The following MAST2 variants were observed in gnomAD, a reference collection of about 807,000 sequenced individuals.
MAST2 encodes microtubule-associated serine/threonine-protein kinase 2.
In MAST2, 70 loss-of-function variants were observed where a neutral mutation model predicts 147.4. That is an observed-to-expected ratio of 0.47 (90% confidence interval 0.39 to 0.58). MAST2 has a LOEUF of 0.58. Ranked by LOEUF, MAST2 falls within the 20% of genes least tolerant of loss-of-function variation. The pLI, the probability that MAST2 is intolerant of heterozygous loss-of-function variation, is 0.00. For missense variants in MAST2, 2,080 were observed against 2,302.3 expected (o/e 0.90, Z 1.98); for synonymous variants, 869 against 896.8 (o/e 0.97, Z 0.55).
At chr1:45,993,168 A>T (rs1644915733) in intron 5 of MAST2, among the ~76,000 whole-genome samples, 1 of 152,032 alleles carries the variant, frequency 6.6e-6, no homozygotes. Context: ...CTTTTTAAAG[A>T]GATTTAAATA....
intron 4 of MAST2, among the ~76,000 whole-genome samples, chr1:45,959,054 AGTG>A (rs1232460291): frequency 6.6e-6 from 1 of 152,182 alleles, no homozygotes; most frequent in Non-Finnish European, 1.5e-5. Flanking sequence ...ATCAATTTGC[AGTG>A]GTCATTCTTC....
chr1:45,922,736 G>A (rs574787545), intron 4 of MAST2, among the ~76,000 whole-genome samples: 6 of 152,198 alleles, frequency 3.9e-5, no homozygotes, highest in East Asian at 3.9e-4. Context: ...CACCTGGGGG[G>A]CTCCCACCCC....
intron 3 of MAST2, among the ~76,000 whole-genome samples, chr1:45,869,904 G>T (rs1646310853): frequency 1.5e-5 from 2 of 133,048 alleles, no homozygotes; most frequent in South Asian, 5.0e-4. Flanking sequence ...CTCTGTTCCT[G>T]TGATTCTTTT....
intron 3 of MAST2, among the ~76,000 whole-genome samples, chr1:45,864,098 G>A (rs1646067275): frequency 1.3e-5 from 2 of 152,166 alleles, no homozygotes; most frequent in South Asian, 4.1e-4. Flanking sequence ...TGTATTTTGA[G>A]CCATGAATTA....
intron 5 of MAST2, among the ~76,000 whole-genome samples, chr1:45,965,954 A>AT (rs1326666950): frequency 2.6e-5 from 4 of 152,166 alleles, no homozygotes; most frequent in African/African-American, 9.7e-5. Context: ...TCTGGGCAAC[A>AT]TTATCATTTA....
In MAST2 at chr1:46,025,771, C is replaced by T. The variant is rs375405602; in HGVS notation, c.1875C>T (p.Tyr625=). The T allele has an allele frequency of 5.0e-6, 8 of 1,614,098 alleles. No homozygotes were observed. The highest frequency in any genetic ancestry group is 3.3e-5 in the Admixed American group (2 of 60,010). Residue 625 remains tyrosine (Y), a synonymous_variant, in exon 16 of 29, where the codon TAC becomes TAT. Coordinates refer to ENST00000361297, the MANE Select transcript of MAST2 (RefSeq NM_015112.3). ...YFAETVLALE[Y]LHNYGIVHRD... The stretch of plus-strand genomic sequence containing the variant: ...CGGAAACTGTGCTGGCCCTGGAGTA[C>T]TTACACAACTATGGCATCGTGCACC...
At chr1:45,932,114 G>A (rs1023492900) in intron 4 of MAST2, among the ~76,000 whole-genome samples, 3 of 152,172 alleles carry the variant, frequency 2.0e-5, no homozygotes, top group Non-Finnish European at 4.4e-5. Flanking sequence ...TTTTGCTGCT[G>A]TGAAGTTACT....
Position 46,023,776 on chromosome 1 carries a change from G to A in MAST2, c.1576G>A (p.Val526Ile). The change falls in exon 15 of 29, where the codon GTA becomes ATA. Residue 526 changes from valine to isoleucine, a missense_variant. Around this residue, in one of 4 missense-constraint regions of MAST2, gnomAD observed 569 missense variants for 642.5 expected, o/e 0.89. Coordinates refer to ENST00000361297, the MANE Select transcript of MAST2 (RefSeq NM_015112.3). The surrounding 1 kb of genome is among the most constrained non-coding windows in gnomAD (Gnocchi z 4.9). ...GGGCCGGACTTTGTTTCCCAGGGCT[G>A]TATTTCTGGTGCGGCACAAGTCCAC... is the stretch of plus-strand genomic sequence containing the variant. Reference protein sequence around the residue: ...KLISNGAYGAVFLVRHKSTRQ... With the variant: ...KLISNGAYGAIFLVRHKSTRQ... 5 of 1,613,908 alleles carry A rather than the reference G, an allele frequency of 3.1e-6. No individual in the cohort carries two copies. Among genetic ancestry groups the A allele is most frequent in the Non-Finnish European group, 4.2e-6 (5 of 1,179,888 alleles).
chr1:45,949,117 A>G (rs1658547622), intron 4 of MAST2, among the ~76,000 whole-genome samples: 2 of 150,554 alleles, frequency 1.3e-5, no homozygotes, highest in Admixed American at 6.6e-5. Context: ...ACGTAAAACT[A>G]TGAAAACCCT....
chr1:45,824,662 T>A (rs1283977201), intron 2 of MAST2, 82 bp downstream of exon 2: 1 of 1,386,322 alleles, frequency 7.2e-7, no homozygotes, highest in Non-Finnish European at 9.7e-7. Context: ...ATTGGCATCT[T>A]GACAGTTTCT....
At chr1:45,876,733 T>C (rs190476760) in intron 3 of MAST2, among the ~76,000 whole-genome samples, 26 of 152,326 alleles carry the variant, frequency 1.7e-4, no homozygotes, top group African/African-American at 6.3e-4. Flanking sequence ...TGTGCCTTAG[T>C]TGTCACAGAA....
chr1:45,940,681 G>A (rs750959168), intron 4 of MAST2, among the ~76,000 whole-genome samples: 4 of 150,844 alleles, frequency 2.7e-5, no homozygotes, highest in East Asian at 1.9e-4. Context: ...GTGCAGTGGC[G>A]CGATCTCGGC....
intron 1 of MAST2, among the ~76,000 whole-genome samples, chr1:45,817,901 G>A (rs1400475105): frequency 2.6e-5 from 4 of 151,842 alleles, no homozygotes; most frequent in East Asian, 1.9e-4. Context: ...ACACATTTTC[G>A]CCAATGAGAA....
chr1:45,991,921 G>T (rs188130878), intron 5 of MAST2, among the ~76,000 whole-genome samples: 3 of 151,920 alleles, frequency 2.0e-5, no homozygotes, highest in Admixed American at 1.3e-4. Flanking sequence ...TAGAAATGGG[G>T]TCTCACTATG....
At chr1:45,989,459 C>G (rs1407264876) in intron 5 of MAST2, among the ~76,000 whole-genome samples, 3 of 152,166 alleles carry the variant, frequency 2.0e-5, no homozygotes, top group Non-Finnish European at 4.4e-5. Flanking sequence ...TTTCCCTTCA[C>G]CCTCTTCAGT....
At chr1:46,000,760 A>C (rs1645243086) in intron 6 of MAST2, among the ~76,000 whole-genome samples, 1 of 152,222 alleles carries the variant, frequency 6.6e-6, no homozygotes, top group African/African-American at 2.4e-5. Flanking sequence ...GGAGGATCAC[A>C]TTGGTTTGCA....
At chr1:45,988,426 T>A (rs1644733018) in intron 5 of MAST2, among the ~76,000 whole-genome samples, 1 of 152,260 alleles carries the variant, frequency 6.6e-6, no homozygotes, top group African/African-American at 2.4e-5. Flanking sequence ...GATTTCTAAT[T>A]CTATTTCATT....
chr1:45,971,839 A>G (rs1285356447), intron 5 of MAST2, among the ~76,000 whole-genome samples: 1 of 152,200 alleles, frequency 6.6e-6, no homozygotes, highest in Non-Finnish European at 1.5e-5. Context: ...TGGCATATAT[A>G]TGGAGGCATG....
At chr1:45,923,684 C>T (rs1308281847) in intron 4 of MAST2, among the ~76,000 whole-genome samples, 1 of 152,214 alleles carries the variant, frequency 6.6e-6, no homozygotes. Flanking sequence ...ATGTCTCCAT[C>T]TGAGATATTT....
Sources: allele counts gnomAD v4.1 joint callset (sites outside exome capture counted in the v4.1 genomes callset), GRCh38; gene constraint gnomAD v4.1.1; regional missense constraint gnomAD v4.1.1; non-coding constraint Gnocchi (gnomAD v3.1); transcripts MANE v1.5; gene names NCBI Gene and HGNC (gene_info 2026-07-23, HGNC 2026-07-21).